Variants in DPP10 observed in about 807,000 individuals in gnomAD.
DPP10 encodes inactive dipeptidyl peptidase 10.
DPP10 carries 33 observed loss-of-function variants against 120.9 expected under a neutral mutation model. The ratio of observed to expected loss-of-function variants is 0.27; its 90% CI spans 0.21 to 0.37. DPP10 has a LOEUF of 0.37. Ranked by LOEUF, DPP10 falls within the 10% of genes least tolerant of loss-of-function variation. The probability of loss-of-function intolerance (pLI) is 1.00; values close to 1 mark genes in which losing one functional copy is unlikely to be tolerated. For missense variants in DPP10, 816 were observed against 942.8 expected (o/e 0.87, Z 1.76); for synonymous variants, 337 against 326.1 (o/e 1.03, Z -0.36).
At chr2:115,626,987 G>A (rs1175254855) in intron 5 of DPP10, among the ~76,000 whole-genome samples, 1 of 152,094 alleles carries the variant, frequency 6.6e-6, no homozygotes, top group Non-Finnish European at 1.5e-5. Context: ...ATGCCAGAAA[G>A]CAATGGCATA....
At chr2:115,330,406 T>C (rs1257529190) in intron 2 of DPP10, among the ~76,000 whole-genome samples, 1 of 151,102 alleles carries the variant, frequency 6.6e-6, no homozygotes, top group Non-Finnish European at 1.5e-5. Context: ...CTGATGGTAG[T>C]TTCTTTTGCT....
At chr2:115,274,964 A>G (rs2059851570) in intron 1 of DPP10, among the ~76,000 whole-genome samples, 1 of 152,192 alleles carries the variant, frequency 6.6e-6, no homozygotes, top group South Asian at 2.1e-4. Flanking sequence ...TTCACAGAAT[A>G]GAATCCTATT....
At chr2:115,805,731 C>A (rs982797920) in intron 19 of DPP10, among the ~76,000 whole-genome samples, 1 of 152,002 alleles carries the variant, frequency 6.6e-6, no homozygotes, top group Non-Finnish European at 1.5e-5. Context: ...CCCGTCACCA[C>A]ACCTGGCTAA....
At position 115,657,354 on chromosome 2, in the gene DPP10, T is replaced by C. The variant is rs146414359; in HGVS notation, c.442-32333T>C. On this transcript the variant is annotated intron_variant, in intron 5 of 25. Coordinates refer to ENST00000410059, the MANE Select transcript of DPP10 (RefSeq NM_020868.6). ...CATTTAAAACTTACACTGTCAAACA[T>C]CAAGTTCAATATTCATTTTAGTATG... is the stretch of plus-strand genomic sequence containing the variant. Among the ~76,000 whole-genome samples the C allele has an allele frequency of 5.9e-4, 90 of 151,870 alleles. No individual in the cohort carries two copies. The East Asian group carries it at 0.012, about 20-fold the overall frequency.
intron 1 of DPP10, among the ~76,000 whole-genome samples, chr2:114,571,727 GA>G (rs1010591437): frequency 1.5e-4 from 23 of 151,928 alleles, no homozygotes; most frequent in Admixed American, 1.4e-3. Context: ...TATTCAAGCA[GA>G]GGTTTGAATG....
intron 1 of DPP10, among the ~76,000 whole-genome samples, chr2:115,167,828 A>G (rs2053013222): frequency 6.6e-6 from 1 of 152,202 alleles, no homozygotes; most frequent in African/African-American, 2.4e-5. Flanking sequence ...TCATTCAATC[A>G]AAATTGAATA....
At chr2:115,132,572 ATTC>A (rs1173202808) in intron 1 of DPP10, among the ~76,000 whole-genome samples, 3 of 152,090 alleles carry the variant, frequency 2.0e-5, no homozygotes, top group African/African-American at 7.2e-5. Context: ...TGCCACAAGG[ATTC>A]TTTTTTGTCA....
chr2:114,850,016 CCCTTCCCTTT>C (rs946748126), intron 1 of DPP10, among the ~76,000 whole-genome samples: 37 of 135,490 alleles, frequency 2.7e-4, no homozygotes, highest in Non-Finnish European at 4.9e-4. Flanking sequence ...CCCTTCCCTT[CCCTTCCCTTT>C]CCTTCCCTTT....
chr2:115,569,144 G>A (rs1359364656), intron 5 of DPP10, among the ~76,000 whole-genome samples: 1 of 152,160 alleles, frequency 6.6e-6, no homozygotes, highest in East Asian at 1.9e-4. Context: ...ACGTTACAGA[G>A]AGATAAATAA....
chr2:115,001,579 CA>C (rs1171813117), intron 1 of DPP10, among the ~76,000 whole-genome samples: 2 of 152,098 alleles, frequency 1.3e-5, no homozygotes, highest in Admixed American at 1.3e-4. Flanking sequence ...AAAAGGTATC[CA>C]AATAGGAAGA....
At chr2:114,986,566 T>A (rs1700404329) in intron 1 of DPP10, among the ~76,000 whole-genome samples, 1 of 152,062 alleles carries the variant, frequency 6.6e-6, no homozygotes, top group South Asian at 2.1e-4. Flanking sequence ...CCACTACCAA[T>A]CAAATCTGAA....
intron 3 of DPP10, among the ~76,000 whole-genome samples, chr2:115,350,003 AAT>A (rs969864441): frequency 6.6e-6 from 1 of 152,112 alleles, no homozygotes; most frequent in African/African-American, 2.4e-5. Context: ...AGTTAAATAA[AAT>A]AGAGTTGAAT....
intron 1 of DPP10, among the ~76,000 whole-genome samples, chr2:114,447,835 A>T (rs1054578645): frequency 6.6e-6 from 1 of 152,202 alleles, no homozygotes. Flanking sequence ...AAACTTACAA[A>T]AATTAGAAAT....
intron 5 of DPP10, among the ~76,000 whole-genome samples, chr2:115,621,914 G>A (rs2149284099): frequency 6.6e-6 from 1 of 152,166 alleles, no homozygotes; most frequent in South Asian, 2.1e-4. Flanking sequence ...CTGACCTCAG[G>A]TGGTCCGCCT....
At chr2:115,024,282 T>G (rs1039877678) in intron 1 of DPP10, among the ~76,000 whole-genome samples, 1 of 152,144 alleles carries the variant, frequency 6.6e-6, no homozygotes. Flanking sequence ...CTATTTTCAG[T>G]TGAAATTTTT....
chr2:115,157,244 CAAAAAAA>C (rs569338436), intron 1 of DPP10, among the ~76,000 whole-genome samples: 2 of 101,512 alleles, frequency 2.0e-5, no homozygotes, highest in Non-Finnish European at 4.2e-5. Flanking sequence ...TTAAATATAG[CAAAAAAA>C]AAAAAAAAAA....
At chr2:114,537,031 T>A (rs1686556558) in intron 1 of DPP10, among the ~76,000 whole-genome samples, 1 of 152,190 alleles carries the variant, frequency 6.6e-6, no homozygotes, top group African/African-American at 2.4e-5. Context: ...AAGCTTCCTA[T>A]GGATGGGAGA....
chr2:115,586,178 T>C (rs1157141618), intron 5 of DPP10, among the ~76,000 whole-genome samples: 1 of 151,920 alleles, frequency 6.6e-6, no homozygotes, highest in Non-Finnish European at 1.5e-5. Context: ...ATACAAAAAT[T>C]AGTGGAGTAT....
At chr2:114,786,014 C>T (rs1438131126) in intron 1 of DPP10, among the ~76,000 whole-genome samples, 1 of 152,186 alleles carries the variant, frequency 6.6e-6, no homozygotes, top group Non-Finnish European at 1.5e-5. Flanking sequence ...TCATTTTCAC[C>T]TATCTCTGGC....
Sources: gnomAD v4.1 joint callset for allele counts (sites outside exome capture counted in the v4.1 genomes callset) on GRCh38, gnomAD v4.1.1 for gene constraint, MANE v1.5 for transcripts, NCBI Gene and HGNC (gene_info 2026-07-23, HGNC 2026-07-21) for gene names.